Variants in ACAD10 observed in about 807,000 individuals in gnomAD.
ACAD10 encodes acyl-CoA dehydrogenase family member 10, also known as ACAD-10.
In ACAD10, 112 loss-of-function variants were observed where a neutral mutation model predicts 116.8. That is an observed-to-expected ratio of 0.96 (90% CI 0.82 to 1.12). The LOEUF is 1.12. Among genes scored for constraint, ACAD10 ranks in the 50% most tolerant of loss-of-function variants. The pLI, the probability that ACAD10 is intolerant of heterozygous loss-of-function variation, is 0.00. For synonymous variants in ACAD10, 486 were observed against 510.6 expected (o/e 0.95, Z 0.65); for missense variants, 1,259 against 1,350.2 (o/e 0.93, Z 1.06).
chr12:111,717,712 C>T (rs1481231030), intron 7 of ACAD10, among the ~76,000 whole-genome samples: 1 of 151,998 alleles, frequency 6.6e-6, no homozygotes, highest in Non-Finnish European at 1.5e-5. Context: ...CACATGCCAT[C>T]ATGCCTGGCT....
chr12:111,745,989 A>AGCCACC (rs1425965404), intron 13 of ACAD10, among the ~76,000 whole-genome samples, 155 bp from the exon 14 acceptor site: 1 of 146,928 alleles, frequency 6.8e-6, no homozygotes, highest in African/African-American at 2.5e-5. Context: ...CCACAGGCAC[A>AGCCACC]GCCACCATGC....
intron 5 of ACAD10, among the ~76,000 whole-genome samples, chr12:111,710,673 T>G (rs1317898611): frequency 9.9e-5 from 15 of 151,912 alleles, no homozygotes; most frequent in Non-Finnish European, 1.6e-4. Flanking sequence ...TTTTTGTATT[T>G]TAGTAAAGAC....
chr12:111,706,097 G>T (rs937648815), intron 4 of ACAD10, among the ~76,000 whole-genome samples, 165 bp downstream of exon 4: 9 of 152,208 alleles, frequency 5.9e-5, no homozygotes, highest in Non-Finnish European at 1.2e-4. Context: ...GACCCTTTAA[G>T]ATATCACTGT....
chr12:111,727,990 G>T lies in ACAD10; in HGVS notation c.1090G>T (p.Glu364Ter). Residue 364 changes from glutamate to a stop codon, truncating the protein, a stop_gained, in exon 9 of 21, where the codon GAG (glutamate) becomes TAG (stop). Coordinates refer to ENST00000313698, the MANE Select transcript of ACAD10 (RefSeq NM_025247.6). LOFTEE classifies it high-confidence loss of function. ...SVIGTPFYVM[E>*]YCPGLIYKDP... ...CATTGGCACCCCCTTCTATGTGATGGAGTACTGCCCAGGTCTCATCTACAA... is the reference window on the plus strand; with the variant it reads ...CATTGGCACCCCCTTCTATGTGATGTAGTACTGCCCAGGTCTCATCTACAA... 2 of 1,613,012 alleles carry T rather than the reference G, an allele frequency of 1.2e-6. No individual in the cohort carries two copies. The highest frequency in any genetic ancestry group is 1.7e-6 in the Non-Finnish European group (2 of 1,179,648).
chr12:111,700,739 CTTCCTCTTCTTTTTTTTTTT>C (rs1466388479), intron 2 of ACAD10, among the ~76,000 whole-genome samples: 2 of 146,884 alleles, frequency 1.4e-5, no homozygotes, highest in African/African-American at 5.0e-5. Context: ...TCCTTCCTTC[CTTCCTCTTCTTTTTTTTTTT>C]TTTTTTTTTT....
intron 6 of ACAD10, among the ~76,000 whole-genome samples, chr12:111,714,618 C>G (rs545900927): frequency 1.3e-4 from 19 of 149,638 alleles, no homozygotes; most frequent in African/African-American, 4.6e-4. Flanking sequence ...GCTGAGATCA[C>G]GCCACTGCAC....
chr12:111,724,337 A>T (rs1045459904), intron 8 of ACAD10, among the ~76,000 whole-genome samples: 1 of 151,928 alleles, frequency 6.6e-6, no homozygotes, highest in African/African-American at 2.4e-5. Flanking sequence ...AGCCAGGCAG[A>T]GGGGCTCCTC....
At chr12:111,697,459 C>T (rs1888220534) in intron 2 of ACAD10, among the ~76,000 whole-genome samples, 1 of 149,796 alleles carries the variant, frequency 6.7e-6, no homozygotes, top group South Asian at 2.1e-4. Flanking sequence ...CTCCCGGGTT[C>T]AAGCAATTCT....
At chr12:111,693,186 G>A in intron 2 of ACAD10, 1 of 370,848 alleles carries the variant, frequency 2.7e-6, no homozygotes, top group South Asian at 3.3e-5. Context: ...CACAGTGATT[G>A]CTCAGTGCAT....
At chr12:111,750,131 G>A (rs1232228506) in intron 18 of ACAD10, among the ~76,000 whole-genome samples, 3 of 130,914 alleles carry the variant, frequency 2.3e-5, no homozygotes, top group Non-Finnish European at 4.8e-5. Flanking sequence ...TCACTCTGTT[G>A]CCTAGGCTGG....
At chr12:111,729,739 T>A in intron 9 of ACAD10, 67 bp from the exon 10 acceptor site, 1 of 1,555,056 alleles carries the variant, frequency 6.4e-7, no homozygotes. Flanking sequence ...ACTGCACTGG[T>A]TTTTTTTTCC....
intron 6 of ACAD10, among the ~76,000 whole-genome samples, chr12:111,713,810 G>T (rs879693997): frequency 6.6e-6 from 1 of 151,532 alleles, no homozygotes; most frequent in Non-Finnish European, 1.5e-5. Flanking sequence ...TTTGGCGGGC[G>T]CCTGTAATCC....
intron 7 of ACAD10, 80 bp from the exon 8 acceptor site, chr12:111,721,591 C>T: frequency 1.5e-6 from 2 of 1,357,594 alleles, no homozygotes; most frequent in Non-Finnish European, 2.1e-6. Flanking sequence ...AACAAACAAA[C>T]AAAAAACAAA....
At chr12:111,748,951 G>A in intron 17 of ACAD10, 1 of 1,488,652 alleles carries the variant, frequency 6.7e-7, no homozygotes, top group Non-Finnish European at 9.2e-7. Context: ...TTTTATAAAA[G>A]GAATCACAGA....
chr12:111,730,050 A>AC, intron 10 of ACAD10, 94 bp downstream of exon 10: 1 of 1,469,284 alleles, frequency 6.8e-7, no homozygotes, highest in Non-Finnish European at 9.1e-7. Flanking sequence ...ACAGCTGGGA[A>AC]TTATTCCTAT....
chr12:111,723,374 C>T (rs1259622064), intron 8 of ACAD10, among the ~76,000 whole-genome samples: 47 of 135,934 alleles, frequency 3.5e-4, no homozygotes, highest in Middle Eastern at 4.3e-3. Flanking sequence ...GGGGGGCTGA[C>T]CCCCCCACCT....
chr12:111,712,471 A>G (rs753871911), intron 5 of ACAD10, 27 bp from the exon 6 acceptor site: 10 of 1,585,360 alleles, frequency 6.3e-6, no homozygotes, highest in Middle Eastern at 1.7e-4. Flanking sequence ...CAAAAAATAT[A>G]CATCTACATA....
At chr12:111,705,656 T>G in intron 3 of ACAD10, 82 bp from the exon 4 acceptor site, 1 of 1,336,528 alleles carries the variant, frequency 7.5e-7, no homozygotes, top group African/African-American at 1.5e-5. Context: ...ACGCCAGGAA[T>G]AAGCATTTTT....
Position 111,756,417 on chromosome 12 carries a change from C to A in ACAD10, c.3124C>A (p.Pro1042Thr). 5.0e-6 allele frequency: 8 copies of A among 1,612,786 alleles called. No individual in the cohort carries two copies. The highest frequency in any genetic ancestry group is 4.2e-6 in the Non-Finnish European group (5 of 1,179,862). The change falls in exon 21 of 21, where the codon CCT (proline) becomes ACT (threonine). Residue 1042 changes from proline (P) to threonine (T), a missense_variant. Pro to Thr is a conservative substitution (Grantham distance 38). Transcript: ENST00000313698. ...CCGAGCCCTGCGCTTTGCCGACGGC[C>A]CTGACGAGGTGCACCGGGCCACGGT... ...WARALRFADG[P>T]DEVHRATVAK...
Sources: gnomAD v4.1 joint callset for allele counts (sites outside exome capture counted in the v4.1 genomes callset) on GRCh38, gnomAD v4.1.1 for gene constraint, MANE v1.5 for transcripts, NCBI Gene and HGNC (gene_info 2026-07-23, HGNC 2026-07-21) for gene names.